Variants in SLC36A1 observed in about 807,000 individuals in gnomAD.
The protein encoded by SLC36A1 is proton-coupled amino acid transporter 1.
Under a neutral mutation model 47.5 loss-of-function variants are expected in SLC36A1, and 30 were observed. The ratio of observed to expected loss-of-function variants is 0.63; its 90% CI spans 0.47 to 0.86. SLC36A1 has a LOEUF of 0.86. SLC36A1 is among the 40% of genes least tolerant of loss of function. SLC36A1 has a pLI of 0.00. For synonymous variants in SLC36A1, 255 were observed against 249.7 expected, an observed-to-expected ratio of 1.02 and a Z score of -0.20; for missense variants, 517 against 606.0, an observed-to-expected ratio of 0.85 and a Z score of 1.54.
At chr5:151,427,457 C>G in the SLC36A1 span, among the ~76,000 whole-genome samples, 1 of 152,218 alleles carries the variant, frequency 6.6e-6, no homozygotes, top group African/African-American at 2.4e-5. Flanking sequence ...ATGTGTCACA[C>G]TTTCTGTCCT....
chr5:151,508,708 TC>T, the SLC36A1 span, among the ~76,000 whole-genome samples: 1 of 134,526 alleles, frequency 7.4e-6, no homozygotes, highest in Non-Finnish European at 1.5e-5. Context: ...AAACTCCTTC[TC>T]AAAAAAAAAA....
chr5:151,357,248 G>C, the SLC36A1 span, among the ~76,000 whole-genome samples: 1 of 152,174 alleles, frequency 6.6e-6, no homozygotes, highest in Admixed American at 6.5e-5. Context: ...ATAGCTAAGG[G>C]CTTTAGCGGT....
the SLC36A1 span, among the ~76,000 whole-genome samples, chr5:151,427,702 GTGCCA>G: frequency 2.0e-4 from 30 of 152,160 alleles, no homozygotes; most frequent in Non-Finnish European, 3.8e-4. Context: ...GGGGGAGACA[GTGCCA>G]TGCGTTCCAG....
chr5:151,524,031 A>C, the SLC36A1 span, among the ~76,000 whole-genome samples: 1 of 152,120 alleles, frequency 6.6e-6, no homozygotes. Context: ...CGCTTCCTGC[A>C]TCTTCTCCAT....
At chr5:151,361,372 C>T in the SLC36A1 span, among the ~76,000 whole-genome samples, 28 of 152,262 alleles carry the variant, frequency 1.8e-4, no homozygotes, top group African/African-American at 6.5e-4. Flanking sequence ...ACAAACAACT[C>T]GAAACATCTT....
the SLC36A1 span, among the ~76,000 whole-genome samples, chr5:151,368,509 T>C: frequency 6.6e-6 from 1 of 152,228 alleles, no homozygotes; most frequent in African/African-American, 2.4e-5. Context: ...TGTGCCACCA[T>C]ATACCCAAGA....
chr5:151,505,831 G>A, the SLC36A1 span: 13 of 1,612,930 alleles, frequency 8.1e-6, no homozygotes, highest in South Asian at 4.4e-5. Context: ...GCAACCAGGC[G>A]CTCCCGGGGA....
chr5:151,529,120 A>G, the SLC36A1 span: 1 of 1,429,498 alleles, frequency 7.0e-7, no homozygotes, highest in East Asian at 2.3e-5. Context: ...TGTGGGGGTG[A>G]GATAAGAACC....
intron 1 of SLC36A1, among the ~76,000 whole-genome samples, chr5:151,453,748 AATTTAT>A (rs1367693421): frequency 2.6e-5 from 4 of 152,086 alleles, no homozygotes; most frequent in Non-Finnish European, 4.4e-5. Context: ...TTAGCATTTG[AATTTAT>A]TAGAAAAATT....
chr5:151,507,117 T>G, the SLC36A1 span: 1 of 1,511,700 alleles, frequency 6.6e-7, no homozygotes. Context: ...CCCACTTCCA[T>G]CAATCCCAGA....
the SLC36A1 span, chr5:151,521,180 ACT>A: frequency 7.6e-7 from 1 of 1,323,554 alleles, no homozygotes. Context: ...ACTTCCCTGA[ACT>A]CTCCCACAGA....
chr5:151,426,795 A>C, the SLC36A1 span, among the ~76,000 whole-genome samples: 1 of 152,122 alleles, frequency 6.6e-6, no homozygotes, highest in Non-Finnish European at 1.5e-5. Flanking sequence ...AGTGGGGAGA[A>C]ACCTTGGACC....
the SLC36A1 span, among the ~76,000 whole-genome samples, chr5:151,369,066 G>A: frequency 1.3e-5 from 2 of 152,130 alleles, no homozygotes; most frequent in Non-Finnish European, 2.9e-5. Flanking sequence ...AGAGAAGAGT[G>A]ACTGATCTTA....
rs149118904 is a variant in SLC36A1 at position 151,466,707 on chromosome 5, C to G, written c.420-492C>G. On this transcript the variant is annotated intron_variant, in intron 5 of 10. Transcript: ENST00000243389. ...GTTTTATGTCAAGGGCTCCCTGTAA[C>G]TAACAAAAAAGTGTGAGATGGGATA... Among the ~76,000 whole-genome samples, 712 of 152,224 alleles carry G rather than the reference C, an allele frequency of 4.7e-3. 6 individuals carry two copies. The highest frequency in any genetic ancestry group is 0.016 in the African/African-American group (679 of 41,556).
chr5:151,461,154 ATTTT>A (rs3086279), intron 2 of SLC36A1, among the ~76,000 whole-genome samples: 1 of 125,580 alleles, frequency 8.0e-6, no homozygotes. Context: ...TACTTTTTGT[ATTTT>A]TTTTTTTTTT....
the SLC36A1 span, chr5:151,553,383 T>A: frequency 6.2e-7 from 1 of 1,614,048 alleles, no homozygotes; most frequent in Non-Finnish European, 8.5e-7. Context: ...GTCTGTTGCC[T>A]TGATCTGAAA....
At chr5:151,349,861 T>C in the SLC36A1 span, among the ~76,000 whole-genome samples, 1 of 148,494 alleles carries the variant, frequency 6.7e-6, no homozygotes, top group Non-Finnish European at 1.5e-5. Flanking sequence ...TAGGATAGAA[T>C]CTGTGCCATG....
At chr5:151,515,871 T>A in the SLC36A1 span, among the ~76,000 whole-genome samples, 3 of 152,234 alleles carry the variant, frequency 2.0e-5, no homozygotes, top group Non-Finnish European at 2.9e-5. Flanking sequence ...ATTGCAATTA[T>A]CTGCTCAAAA....
chr5:151,431,178 A>C, the SLC36A1 span: 3 of 152,322 alleles, frequency 2.0e-5, no homozygotes, highest in Middle Eastern at 3.4e-3. Context: ...ACAGGAGAGC[A>C]CAGATTTAGC....
Sources: allele counts gnomAD v4.1 joint callset (sites outside exome capture counted in the v4.1 genomes callset), GRCh38; gene constraint gnomAD v4.1.1; transcripts MANE v1.5; gene names NCBI Gene and HGNC (gene_info 2026-07-23, HGNC 2026-07-21).